PRKAR1B: variants seen among roughly 807,000 people sequenced by gnomAD.
The protein encoded by PRKAR1B is cAMP-dependent protein kinase type I-beta regulatory subunit.
In PRKAR1B, 22 loss-of-function variants were observed where a neutral mutation model predicts 46.5. That is an observed-to-expected ratio of 0.47 (90% confidence interval 0.34 to 0.68). The LOEUF is 0.68. Among genes scored for constraint, PRKAR1B ranks in the 30% least tolerant of loss-of-function variants. PRKAR1B has a pLI of 0.01. For synonymous variants in PRKAR1B, 259 were observed against 217.7 expected (o/e 1.19, Z -1.67); for missense variants, 445 against 535.6 (o/e 0.83, Z 1.67).
chr7:594,877 G>A (rs1345373494), intron 7 of PRKAR1B, among the ~76,000 whole-genome samples: 7 of 152,094 alleles, frequency 4.6e-5, no homozygotes, highest in Admixed American at 3.9e-4. Flanking sequence ...CAAACCACAA[G>A]GGGACTCCAA....
chr7:561,795 C>T (rs9330361), intron 9 of PRKAR1B, among the ~76,000 whole-genome samples: 48,724 of 152,208 alleles, frequency 0.32, 8,009 homozygotes, highest in Non-Finnish European at 0.35. Flanking sequence ...CAGCAGCTTC[C>T]GTGGGAAACA....
intron 6 of PRKAR1B, among the ~76,000 whole-genome samples, 191 bp from the exon 7 acceptor site, chr7:596,495 C>A (rs915425180): frequency 6.6e-6 from 1 of 152,218 alleles, no homozygotes; most frequent in Non-Finnish European, 1.5e-5. Flanking sequence ...CTCACCCCAC[C>A]CCCAGCCCTG....
At chr7:575,110 G>A (rs1038120723) in intron 9 of PRKAR1B, among the ~76,000 whole-genome samples, 2 of 152,230 alleles carry the variant, frequency 1.3e-5, no homozygotes, top group Admixed American at 6.5e-5. Flanking sequence ...TTCACAGTTC[G>A]GGGGTTGGAG....
At chr7:614,094 C>T (rs751434526) in intron 4 of PRKAR1B, among the ~76,000 whole-genome samples, 22 of 152,186 alleles carry the variant, frequency 1.4e-4, no homozygotes, top group South Asian at 8.3e-4. Flanking sequence ...AGATGACAGA[C>T]GCCTGCAGAC....
At chr7:658,100 C>A (rs1785307132) in intron 4 of PRKAR1B, among the ~76,000 whole-genome samples, 1 of 152,086 alleles carries the variant, frequency 6.6e-6, no homozygotes, top group Admixed American at 6.6e-5. Flanking sequence ...CCTCACCTAT[C>A]CACAGTGATG....
In PRKAR1B at chr7:584,149, C is replaced by G. The variant is rs867342192; in HGVS notation, c.769+359G>C. On this transcript the variant is annotated intron_variant, in intron 8 of 10. Transcript: ENST00000537384. ...AGCTCGACCCAGCTCACACGTGTAC[C>G]GGGAGCCAACACTGGCTTTCAGCTC... 3.3e-5 allele frequency among the ~76,000 whole-genome samples: 5 copies of G among 151,812 alleles called. No individual in the cohort carries two copies. The South Asian group carries it at 6.2e-4, about 19-fold the overall frequency.
At chr7:597,142 G>T (rs559905605) in intron 6 of PRKAR1B, among the ~76,000 whole-genome samples, 1 of 152,258 alleles carries the variant, frequency 6.6e-6, no homozygotes, top group African/African-American at 2.4e-5. Flanking sequence ...TCCCCTCTGG[G>T]TGTCAATGAG....
intron 7 of PRKAR1B, among the ~76,000 whole-genome samples, chr7:585,115 G>A (rs111526379): frequency 0.028 from 4,219 of 152,186 alleles, 198 homozygotes; most frequent in African/African-American, 0.091. Flanking sequence ...CAACAAACAC[G>A]GCCCTGTCAG....
chr7:599,924 T>C (rs1056624249), intron 6 of PRKAR1B, among the ~76,000 whole-genome samples: 2 of 146,484 alleles, frequency 1.4e-5, no homozygotes, highest in Non-Finnish European at 3.0e-5. Flanking sequence ...TAGAAGTCAA[T>C]GGTGGGACAG....
At chr7:655,858 GAA>G (rs1785161335) in intron 4 of PRKAR1B, among the ~76,000 whole-genome samples, 2 of 152,170 alleles carry the variant, frequency 1.3e-5, no homozygotes, top group African/African-American at 4.8e-5. Flanking sequence ...CCCTCTGGGT[GAA>G]ACAGAGCAAA....
chr7:585,191 C>A (rs1187828416), intron 7 of PRKAR1B, among the ~76,000 whole-genome samples: 1 of 152,104 alleles, frequency 6.6e-6, no homozygotes, highest in Non-Finnish European at 1.5e-5. Flanking sequence ...ATTAGAAAAA[C>A]ACACCCCTTC....
intron 1 of PRKAR1B, among the ~76,000 whole-genome samples, chr7:713,859 G>A (rs893709544): frequency 6.6e-6 from 1 of 152,224 alleles, no homozygotes; most frequent in Non-Finnish European, 1.5e-5. Context: ...GGTCAAACAC[G>A]AAGGTCCTTG....
intron 4 of PRKAR1B, among the ~76,000 whole-genome samples, chr7:615,174 C>T (rs1782732113): frequency 1.3e-5 from 2 of 152,054 alleles, no homozygotes; most frequent in South Asian, 4.1e-4. Context: ...ACTTGTAATC[C>T]CAGCACTTTG....
At chr7:635,822 T>G (rs963843130) in intron 4 of PRKAR1B, among the ~76,000 whole-genome samples, 2 of 151,968 alleles carry the variant, frequency 1.3e-5, no homozygotes, top group African/African-American at 4.8e-5. Flanking sequence ...CTCCGACACT[T>G]ACTAGCTGGA....
intron 6 of PRKAR1B, among the ~76,000 whole-genome samples, chr7:598,744 G>C (rs1418735268): frequency 6.6e-6 from 1 of 152,236 alleles, no homozygotes; most frequent in Non-Finnish European, 1.5e-5. Flanking sequence ...ATGTGAATCT[G>C]AGGTCGGGAG....
At chr7:684,104 G>A (rs1018008591) in intron 2 of PRKAR1B, among the ~76,000 whole-genome samples, 3 of 149,174 alleles carry the variant, frequency 2.0e-5, no homozygotes, top group Non-Finnish European at 3.0e-5. Context: ...ACCTCCACGT[G>A]CACCAATGCC....
rs192367512 is a variant in PRKAR1B, at chr7:662,880, G to A, written c.440+14349C>T. Among the ~76,000 whole-genome samples the A allele has an allele frequency of 4.6e-3, 699 of 152,298 alleles. 8 individuals carry two copies. The highest frequency in any genetic ancestry group is 0.016 in the African/African-American group (677 of 41,560). Reference sequence around the variant, plus strand: ...TGGGGCCCAGGCTCTCACCCTCGGAGCGGCCACAGCAGGGGCCTTCCAGAA... The same window carrying A: ...TGGGGCCCAGGCTCTCACCCTCGGAACGGCCACAGCAGGGGCCTTCCAGAA... On this transcript the variant is annotated intron_variant, in intron 4 of 10. Transcript: ENST00000537384.
chr7:636,898 G>T (rs1444400669), intron 4 of PRKAR1B, among the ~76,000 whole-genome samples: 2 of 152,200 alleles, frequency 1.3e-5, no homozygotes, highest in Non-Finnish European at 2.9e-5. Flanking sequence ...CGCAAACCAC[G>T]GCGAGTGGGA....
At chr7:596,939 C>T (rs936036871) in intron 6 of PRKAR1B, among the ~76,000 whole-genome samples, 1 of 152,282 alleles carries the variant, frequency 6.6e-6, no homozygotes, top group African/African-American at 2.4e-5. Flanking sequence ...TGGCTGGGCG[C>T]TGCGGCCGAG....
Sources: gnomAD v4.1 joint callset for allele counts (sites outside exome capture counted in the v4.1 genomes callset) on GRCh38, gnomAD v4.1.1 for gene constraint, MANE v1.5 for transcripts, NCBI Gene and HGNC (gene_info 2026-07-23, HGNC 2026-07-21) for gene names.